Variants in PIK3R5 observed in about 807,000 individuals in gnomAD.
PIK3R5 encodes the protein phosphoinositide 3-kinase regulatory subunit 5.
PIK3R5 carries 32 observed loss-of-function variants against 94.9 expected under a neutral mutation model. That is an observed-to-expected ratio of 0.34 (90% confidence interval 0.25 to 0.45). PIK3R5 has a LOEUF of 0.45. Among genes scored for constraint, PIK3R5 ranks in the 20% least tolerant of loss-of-function variants. The probability of loss-of-function intolerance (pLI) is 1.00; values close to 1 mark genes in which losing one functional copy is unlikely to be tolerated. For missense variants in PIK3R5, 853 were observed against 1,144.6 expected (o/e 0.75, Z 3.68); for synonymous variants, 443 against 479.4 (o/e 0.92, Z 0.99).
chr17:8,960,012 C>G (rs1230086524), intron 1 of PIK3R5, among the ~76,000 whole-genome samples: 1 of 152,142 alleles, frequency 6.6e-6, no homozygotes, highest in East Asian at 1.9e-4. Flanking sequence ...GAGGCCCCCC[C>G]ATTAGTATTG....
rs928648213 is a variant in PIK3R5 at position 8,909,788 on chromosome 17, C to T, written c.104-614G>A. ...TCCGCTCCCTGTGGAAGCACCAGTT[C>T]TCCCACAACCTCTCCTGCCCTGGTT... On this transcript the variant is annotated intron_variant, in intron 2 of 18. Coordinates refer to ENST00000447110, the MANE Select transcript of PIK3R5 (RefSeq NM_001142633.3). The surrounding 1 kb of genome is among the most constrained non-coding windows in gnomAD (Gnocchi z 4.3). Among the ~76,000 whole-genome samples the T allele has an allele frequency of 2.0e-5, 3 of 152,228 alleles. No individual in the cohort carries two copies. The highest frequency in any genetic ancestry group is 4.4e-5 in the Non-Finnish European group (3 of 68,042).
At chr17:8,943,788 A>G (rs1183525594) in intron 1 of PIK3R5, among the ~76,000 whole-genome samples, 1 of 152,174 alleles carries the variant, frequency 6.6e-6, no homozygotes, top group African/African-American at 2.4e-5. Context: ...AGAAAAAATA[A>G]ATAAAAGAAA....
intron 1 of PIK3R5, among the ~76,000 whole-genome samples, chr17:8,962,569 C>T (rs908770945): frequency 1.3e-5 from 2 of 152,084 alleles, no homozygotes; most frequent in African/African-American, 4.8e-5. Context: ...CTAACACATC[C>T]CCCAAATCTA....
intron 1 of PIK3R5, among the ~76,000 whole-genome samples, chr17:8,914,952 A>G (rs1235919815): frequency 3.3e-5 from 5 of 152,250 alleles, no homozygotes; most frequent in Non-Finnish European, 5.9e-5. Flanking sequence ...AATTGGTGGC[A>G]CAGAGAGGTT....
In PIK3R5 at chr17:8,911,789, C is replaced by T; in HGVS notation, c.-13-282G>A. 1.1e-5 allele frequency: 1 copy of T among 91,824 alleles called. No homozygotes were observed. Among genetic ancestry groups the T allele is most frequent in the Non-Finnish European group, 2.0e-5 (1 of 50,512 alleles). The allele number at this position is 91,824 out of a possible 1,614,324, so 5.7% of individuals were successfully genotyped here. ...AATGGGAGCAGAGAGGTGGAAAGGG[C>T]ACTGGGCAGTGGGAAGTGTCGCCAA... is the stretch of plus-strand genomic sequence containing the variant. On this transcript the variant is annotated intron_variant, in intron 1 of 18. Coordinates refer to ENST00000447110, the MANE Select transcript of PIK3R5 (RefSeq NM_001142633.3). The surrounding 1 kb of genome is among the most constrained non-coding windows in gnomAD (Gnocchi z 5.3).
At chr17:8,910,865 A>G (rs1000578995) in intron 2 of PIK3R5, among the ~76,000 whole-genome samples, 3 of 152,296 alleles carry the variant, frequency 2.0e-5, no homozygotes, top group African/African-American at 7.2e-5. Context: ...CATAAGAATT[A>G]TTACAGCCAG....
rs910376215 is a variant in PIK3R5 at position 8,888,934 on chromosome 17, C to G, written c.896-43G>C. 7 of 1,560,154 alleles carry G rather than the reference C, an allele frequency of 4.5e-6. No individual in the cohort carries two copies. The highest frequency in any genetic ancestry group is 6.0e-6 in the Non-Finnish European group (7 of 1,157,568). On this transcript the variant is annotated intron_variant, in intron 9 of 18. Coordinates refer to ENST00000447110, the MANE Select transcript of PIK3R5 (RefSeq NM_001142633.3). The surrounding 1 kb of genome is among the most constrained non-coding windows in gnomAD (Gnocchi z 7.8). ...CAGCACTGTCTGGGCGTCTGGGCCCCGGATCCCCTTCTATATTCCCTTTGG... is the reference window on the plus strand; with the variant it reads ...CAGCACTGTCTGGGCGTCTGGGCCCGGGATCCCCTTCTATATTCCCTTTGG...
intron 1 of PIK3R5, among the ~76,000 whole-genome samples, chr17:8,951,428 G>A (rs2151472620): frequency 6.6e-6 from 1 of 151,978 alleles, no homozygotes; most frequent in East Asian, 1.9e-4. Flanking sequence ...CCCAGCCTCT[G>A]GTAACCTCTA....
rs1221229216 is a variant in PIK3R5, at chr17:8,892,268, T to G, written c.482+1318A>C. Reference sequence around the variant, plus strand: ...CCATCATTTGGGAAGAAACTCACTTTGATTTCTCTATCTGTAAGAAAAAGG... The same window carrying G: ...CCATCATTTGGGAAGAAACTCACTTGGATTTCTCTATCTGTAAGAAAAAGG... On this transcript the variant is annotated intron_variant, in intron 6 of 18. Transcript: ENST00000447110. This position sits in a 1 kb window ranked among gnomAD's most constrained non-coding sequence, Gnocchi z 4.3. 1.3e-5 allele frequency among the ~76,000 whole-genome samples: 2 copies of G among 152,174 alleles called. No individual in the cohort carries two copies. The highest frequency in any genetic ancestry group is 2.4e-5 in the African/African-American group (1 of 41,422).
intron 14 of PIK3R5, among the ~76,000 whole-genome samples, chr17:8,885,973 G>T (rs1597373306): frequency 1.3e-5 from 2 of 148,702 alleles, no homozygotes; most frequent in Non-Finnish European, 3.0e-5. Flanking sequence ...CCCTCTCATG[G>T]CCCTGCCTCC....
At chr17:8,964,291 C>T (rs1280686443) in intron 1 of PIK3R5, among the ~76,000 whole-genome samples, 2 of 151,892 alleles carry the variant, frequency 1.3e-5, no homozygotes, top group Non-Finnish European at 2.9e-5. Context: ...ACTTGGGAGG[C>T]GGAGGCGGAG....
At chr17:8,963,431 C>A (rs1192449547) in intron 1 of PIK3R5, among the ~76,000 whole-genome samples, 1 of 152,196 alleles carries the variant, frequency 6.6e-6, no homozygotes, top group Non-Finnish European at 1.5e-5. Flanking sequence ...CAGCCTGCAC[C>A]CCTGCCTTCT....
Position 8,888,779 on chromosome 17 carries a change from A to G in PIK3R5, c.1008T>C (p.Thr336=). The G allele has an allele frequency of 6.2e-7, 1 of 1,612,978 alleles. No homozygotes were observed. The highest frequency in any genetic ancestry group is 8.5e-7 in the Non-Finnish European group (1 of 1,179,996). ...EEEEVEEDLE[T]DGHCAERDSL... ...AATCTCTCTCGGCACAGTGCCCGTC[A>G]GTTTCCAAGTCCTCCTCCACCTCCT... Residue 336 remains threonine (T), a synonymous_variant, in exon 10 of 19, where the codon ACT becomes ACC. Coordinates refer to ENST00000447110, the MANE Select transcript of PIK3R5 (RefSeq NM_001142633.3). This position sits in a 1 kb window ranked among gnomAD's most constrained non-coding sequence, Gnocchi z 7.8.
intron 1 of PIK3R5, among the ~76,000 whole-genome samples, chr17:8,942,492 C>T (rs1281789699): frequency 6.6e-5 from 10 of 152,186 alleles, no homozygotes; most frequent in Non-Finnish European, 1.5e-4. Context: ...AACACCCTGA[C>T]AGGGGCAGGT....
Position 8,890,725 on chromosome 17 carries a change from C to G in PIK3R5, c.657+13G>C. The G allele has an allele frequency of 6.3e-7, 1 of 1,598,950 alleles. No homozygotes were observed. Among genetic ancestry groups the G allele is most frequent in the Non-Finnish European group, 8.5e-7 (1 of 1,172,842 alleles). On this transcript the variant is annotated intron_variant, in intron 7 of 18. Coordinates refer to ENST00000447110, the MANE Select transcript of PIK3R5 (RefSeq NM_001142633.3). This position sits in a 1 kb window ranked among gnomAD's most constrained non-coding sequence, Gnocchi z 6.1. The stretch of plus-strand genomic sequence containing the variant: ...GAGGTGCTCCACCAGAGCCCCAGGC[C>G]CCAGGTACATACCTGTAGCCTGCAG...
At chr17:8,922,132 AGAAGGAGG>A (rs1418844970) in intron 1 of PIK3R5, among the ~76,000 whole-genome samples, 1 of 141,970 alleles carries the variant, frequency 7.0e-6, no homozygotes, top group African/African-American at 2.5e-5. Flanking sequence ...AGAATAGGAA[AGAAGGAGG>A]GAAGGAGGGA....
intron 1 of PIK3R5, among the ~76,000 whole-genome samples, chr17:8,951,453 T>A (rs1398844700): frequency 6.6e-6 from 1 of 152,238 alleles, no homozygotes; most frequent in Non-Finnish European, 1.5e-5. Flanking sequence ...ACTTTCTGTT[T>A]CTATGAGTTT....
rs554477549 is a variant in PIK3R5, at chr17:8,889,293, T to C, written c.812-71A>G. On this transcript the variant is annotated intron_variant, in intron 8 of 18. Coordinates refer to ENST00000447110, the MANE Select transcript of PIK3R5 (RefSeq NM_001142633.3). The surrounding 1 kb of genome is among the most constrained non-coding windows in gnomAD (Gnocchi z 4.1). Reference sequence around the variant, plus strand: ...TGGAGATTGGCCAGTCCAGTCCCCTTGCCTTGGAGAAGAGACCAGAGATGG... The same window carrying C: ...TGGAGATTGGCCAGTCCAGTCCCCTCGCCTTGGAGAAGAGACCAGAGATGG... The C allele has an allele frequency of 1.0e-4, 120 of 1,153,612 alleles. No individual in the cohort carries two copies. Among genetic ancestry groups the C allele is most frequent in the Non-Finnish European group, 1.4e-4 (107 of 791,838 alleles). 71.5% of individuals were successfully genotyped at this position (1,153,612 alleles called of 1,614,324 possible).
chr17:8,894,872 G>A (rs1421001046), intron 5 of PIK3R5, among the ~76,000 whole-genome samples: 5 of 151,970 alleles, frequency 3.3e-5, no homozygotes, highest in African/African-American at 7.2e-5. Context: ...TGCAAGTCTC[G>A]GGGGCGGGGT....
Sources: gnomAD v4.1 joint callset for allele counts (sites outside exome capture counted in the v4.1 genomes callset) on GRCh38, gnomAD v4.1.1 for gene constraint, Gnocchi (gnomAD v3.1) non-coding constraint, MANE v1.5 for transcripts, NCBI Gene and HGNC (gene_info 2026-07-23, HGNC 2026-07-21) for gene names.